The following RAB23 variants were observed in gnomAD, a reference collection of about 807,000 sequenced individuals.
RAB23 encodes the protein ras-related protein Rab-23.
RAB23 carries 15 observed loss-of-function variants against 30.0 expected under a neutral mutation model. That is an observed-to-expected ratio of 0.50 (90% CI 0.33 to 0.77). The LOEUF (loss-of-function observed/expected upper bound fraction) is 0.77. Ranked by LOEUF, RAB23 falls within the 30% of genes least tolerant of loss-of-function variation. The pLI is 0.02. For synonymous variants in RAB23, 93 were observed against 94.0 expected (o/e 0.99, Z 0.06); for missense variants, 243 against 275.4 (o/e 0.88, Z 0.83).
rs201981516 is a variant in RAB23, at chr6:57,194,780, A to T, written c.471T>A (p.Asn157Lys). ...TTAAAGGTAATTTACCTTCATTCAC[A>T]TTTAGATCTTCTTTCACTGATGTTC... is the stretch of plus-strand genomic sequence containing the variant. The part of the protein sequence containing the change: ...FYRTSVKEDL[N>K]VNEVFKYLAE... The change falls in exon 5 of 7, where the codon AAT (asparagine) becomes AAA (lysine). Residue 157 changes from asparagine (N) to lysine (K), a missense_variant. Transcript: ENST00000468148. 6.2e-7 allele frequency: 1 copy of T among 1,611,974 alleles called. No homozygotes were observed. The highest frequency in any genetic ancestry group is 2.2e-5 in the East Asian group (1 of 44,772).
rs555246749 is a variant in RAB23 at position 57,187,946 on chromosome 6, T to C, written c.*2515A>G. On this transcript the variant is annotated 3_prime_UTR_variant, in exon 7 of 7. Transcript: ENST00000468148. ...GGTTTTATTTAACTATATTGCCTTA[T>C]ATGGGTCATTCTATATACTATTTAA... 1.2e-4 allele frequency: 19 copies of C among 152,134 alleles called. No individual in the cohort carries two copies. Among genetic ancestry groups the C allele is most frequent in the African/African-American group, 4.6e-4 (19 of 41,454 alleles). 9.4% of individuals were successfully genotyped at this position (152,134 alleles called of 1,614,324 possible). A position where few individuals can be genotyped will look rare whatever the true frequency, so the allele number is the denominator to read the frequency against.
intron 2 of RAB23, among the ~76,000 whole-genome samples, chr6:57,209,431 C>G (rs1457150639): frequency 1.6e-4 from 24 of 152,098 alleles, no homozygotes. Flanking sequence ...AACATGCTTG[C>G]TCTTAAAATA....
intron 6 of RAB23, 24 bp downstream of exon 6, chr6:57,193,818 G>T: frequency 6.2e-7 from 1 of 1,609,792 alleles, no homozygotes; most frequent in African/African-American, 1.3e-5. Flanking sequence ...AGTAAACATG[G>T]GCTAAAATTT....
chr6:57,199,517 G>A (rs1053259901), intron 3 of RAB23, among the ~76,000 whole-genome samples: 1 of 152,132 alleles, frequency 6.6e-6, no homozygotes, highest in African/African-American at 2.4e-5. Flanking sequence ...TTAAGTTAAA[G>A]GCAATCACCT....
rs1764775960 is a variant in RAB23, at chr6:57,190,006, G to A, written c.*455C>T. ...CTAATGCAGTCTGGCAAGATTTAGG[G>A]TTTACCTTTCAGTATTATTTTGTGA... On this transcript the variant is annotated 3_prime_UTR_variant, in exon 7 of 7. Coordinates refer to ENST00000468148, the MANE Select transcript of RAB23 (RefSeq NM_016277.5). The A allele has an allele frequency of 4.8e-6, 1 of 206,384 alleles. No individual in the cohort carries two copies. Among genetic ancestry groups the A allele is most frequent in the Non-Finnish European group, 9.9e-6 (1 of 101,292 alleles). The allele number at this position is 206,384 out of a possible 1,614,324, so 12.8% of individuals were successfully genotyped here.
chr6:57,195,740 CG>C (rs1764999164), intron 4 of RAB23, among the ~76,000 whole-genome samples: 1 of 152,162 alleles, frequency 6.6e-6, no homozygotes. Flanking sequence ...GTAGCCTTTC[CG>C]TGAGAACAGG....
intron 1 of RAB23, among the ~76,000 whole-genome samples, chr6:57,219,282 T>G (rs1027806636): frequency 6.6e-6 from 1 of 152,140 alleles, no homozygotes; most frequent in African/African-American, 2.4e-5. Context: ...TAACAAAACA[T>G]GTACACAATC....
In RAB23 at chr6:57,187,360, C is replaced by A. The variant is rs1442332815; in HGVS notation, c.*3101G>T. Reference sequence around the variant, plus strand: ...CTGCGGGTTTTAAATATTTTGTTAGCAAATGAATTCATCTGTATGATGAGA... The same window carrying A: ...CTGCGGGTTTTAAATATTTTGTTAGAAAATGAATTCATCTGTATGATGAGA... On this transcript the variant is annotated 3_prime_UTR_variant, in exon 7 of 7. Transcript: ENST00000468148. The A allele has an allele frequency of 6.6e-6, 1 of 152,044 alleles. No homozygotes were observed. The highest frequency in any genetic ancestry group is 2.4e-5 in the African/African-American group (1 of 41,400). 9.4% of individuals were successfully genotyped at this position (152,044 alleles called of 1,614,324 possible).
intron 4 of RAB23, 80 bp from the exon 5 acceptor site, chr6:57,194,932 T>A: frequency 9.5e-7 from 1 of 1,057,122 alleles, no homozygotes; most frequent in South Asian, 1.3e-5. Context: ...TAATTACATT[T>A]ACTGAATACA....
intron 3 of RAB23, among the ~76,000 whole-genome samples, chr6:57,203,893 T>G (rs552689557): frequency 1.3e-5 from 2 of 151,722 alleles, no homozygotes; most frequent in Admixed American, 6.6e-5. Flanking sequence ...ACACAGTAAA[T>G]AGAGTGGTAA....
chr6:57,196,584 C>T lies in RAB23; in HGVS notation c.264G>A (p.Val88=). 1.9e-6 allele frequency: 3 copies of T among 1,613,922 alleles called. No individual in the cohort carries two copies. The highest frequency in any genetic ancestry group is 2.5e-6 in the Non-Finnish European group (3 of 1,179,938). ...AAGATTCCCTATCTGTGGTAGAGAACACGAGCACACAAGCCTGGGCTCCTG... is the reference window on the plus strand; with the variant it reads ...AAGATTCCCTATCTGTGGTAGAGAATACGAGCACACAAGCCTGGGCTCCTG... ...YYRGAQACVL[V]FSTTDRESFE... Residue 88 remains valine (V), a synonymous_variant, in exon 4 of 7, where the codon GTG becomes GTA. Transcript: ENST00000468148.
Position 57,190,383 on chromosome 6 carries a change from T to G in RAB23, c.*78A>C. 2 of 1,551,716 alleles carry G rather than the reference T, an allele frequency of 1.3e-6. No individual in the cohort carries two copies. Among genetic ancestry groups the G allele is most frequent in the Non-Finnish European group, 8.9e-7 (1 of 1,126,292 alleles). Reference sequence around the variant, plus strand: ...TAGGAGCAAAGTCTGCTGAAAACCTTGTAACATACCATGACAGCTGGATGG... The same window carrying G: ...TAGGAGCAAAGTCTGCTGAAAACCTGGTAACATACCATGACAGCTGGATGG... On this transcript the variant is annotated 3_prime_UTR_variant, in exon 7 of 7. Coordinates refer to ENST00000468148, the MANE Select transcript of RAB23 (RefSeq NM_016277.5).
chr6:57,194,510 C>T (rs1308339868), intron 5 of RAB23, among the ~76,000 whole-genome samples: 2 of 151,878 alleles, frequency 1.3e-5, no homozygotes, highest in African/African-American at 4.8e-5. Context: ...ACCACATATG[C>T]ATATACTCTA....
intron 1 of RAB23, among the ~76,000 whole-genome samples, chr6:57,217,381 G>A (rs1020429264): frequency 6.6e-6 from 1 of 152,030 alleles, no homozygotes; most frequent in Admixed American, 6.6e-5. Flanking sequence ...GCCTGATCTC[G>A]GCTCACCGCA....
At chr6:57,219,798 C>G (rs1765988884) in intron 1 of RAB23, among the ~76,000 whole-genome samples, 1 of 152,284 alleles carries the variant, frequency 6.6e-6, no homozygotes, top group Non-Finnish European at 1.5e-5. Context: ...ACAATTAACT[C>G]AAATGGATCA....
intron 3 of RAB23, among the ~76,000 whole-genome samples, chr6:57,201,084 C>CTTTT (rs201367113): frequency 2.2e-5 from 3 of 136,902 alleles, no homozygotes; most frequent in African/African-American, 6.1e-5. Flanking sequence ...TTTTCTCTCT[C>CTTTT]TCTTTTTTTT....
intron 6 of RAB23, among the ~76,000 whole-genome samples, chr6:57,190,802 C>G (rs1202418364): frequency 6.6e-6 from 1 of 152,072 alleles, no homozygotes; most frequent in African/African-American, 2.4e-5. Context: ...TGTTGTGGAA[C>G]AATCACCCCC....
intron 3 of RAB23, among the ~76,000 whole-genome samples, chr6:57,201,292 A>C (rs1353107182): frequency 6.6e-6 from 1 of 152,124 alleles, no homozygotes; most frequent in Non-Finnish European, 1.5e-5. Context: ...CATGTTGGCC[A>C]GGCTGGTCTT....
rs1034800126 is a variant in RAB23 at position 57,187,219 on chromosome 6, A to G, written c.*3242T>C. 19 of 152,224 alleles carry G rather than the reference A, an allele frequency of 1.2e-4. No individual in the cohort carries two copies. Among genetic ancestry groups the G allele is most frequent in the Non-Finnish European group, 2.8e-4 (19 of 68,038 alleles). 9.4% of individuals were successfully genotyped at this position (152,224 alleles called of 1,614,324 possible). ...ATTTTTTGCTTTTAAAAGACCATTT[A>G]CTAACATCCTACTGTAGATATTTCG... is the stretch of plus-strand genomic sequence containing the variant. On this transcript the variant is annotated 3_prime_UTR_variant, in exon 7 of 7. Coordinates refer to ENST00000468148, the MANE Select transcript of RAB23 (RefSeq NM_016277.5).
Sources: gnomAD v4.1 joint callset for allele counts (sites outside exome capture counted in the v4.1 genomes callset) on GRCh38, gnomAD v4.1.1 for gene constraint, MANE v1.5 for transcripts, NCBI Gene and HGNC (gene_info 2026-07-23, HGNC 2026-07-21) for gene names.